The following PCBP3 variants were observed in gnomAD, a reference collection of about 807,000 sequenced individuals.
PCBP3 encodes poly(rC)-binding protein 3.
A neutral mutation model predicts 52.7 loss-of-function variants in PCBP3; 25 were observed. That is an observed-to-expected ratio of 0.47 (90% CI 0.35 to 0.66). The LOEUF (loss-of-function observed/expected upper bound fraction) is 0.66. PCBP3 is among the 30% of genes least tolerant of loss of function. PCBP3 has a pLI of 0.01. For synonymous variants in PCBP3, 162 were observed against 183.0 expected, an observed-to-expected ratio of 0.89 and a Z score of 0.93; for missense variants, 391 against 490.3, an observed-to-expected ratio of 0.80 and a Z score of 1.91.
intron 5 of PCBP3, among the ~76,000 whole-genome samples, chr21:45,884,322 AATTTT>A (rs2095468856): frequency 1.3e-5 from 2 of 151,824 alleles, no homozygotes; most frequent in East Asian, 1.9e-4. Flanking sequence ...ATTTTTTTGG[AATTTT>A]ATTTTATCAG....
At chr21:45,721,823 T>A (rs1325648759) in intron 2 of PCBP3, among the ~76,000 whole-genome samples, 1 of 152,228 alleles carries the variant, frequency 6.6e-6, no homozygotes, top group East Asian at 1.9e-4. Context: ...GACGATCTCA[T>A]CTGCATGTAT....
chr21:45,909,115 A>G (rs561069450), intron 9 of PCBP3, among the ~76,000 whole-genome samples: 1 of 150,122 alleles, frequency 6.7e-6, no homozygotes, highest in East Asian at 2.0e-4. Context: ...ACCCGCCCCA[A>G]CCCCACTGCG....
chr21:45,812,718 G>T (rs1257019883), intron 4 of PCBP3, among the ~76,000 whole-genome samples: 4 of 152,212 alleles, frequency 2.6e-5, no homozygotes, highest in Admixed American at 2.6e-4. Context: ...GTGCAGTTCT[G>T]CTAGGTATGA....
chr21:45,659,079 G>T, intron 1 of PCBP3, among the ~76,000 whole-genome samples: 2 of 139,510 alleles, frequency 1.4e-5, no homozygotes, highest in Non-Finnish European at 3.1e-5. Context: ...AGTTTCATTG[G>T]TCTTTTTTTA....
intron 2 of PCBP3, among the ~76,000 whole-genome samples, chr21:45,731,991 G>T (rs1278165093): frequency 6.6e-6 from 1 of 151,808 alleles, no homozygotes; most frequent in Non-Finnish European, 1.5e-5. Context: ...TCTTTTTGTA[G>T]ATCCAGATTT....
At chr21:45,815,498 A>AGTG (rs2147201660) in intron 4 of PCBP3, among the ~76,000 whole-genome samples, 1 of 75,614 alleles carries the variant, frequency 1.3e-5, no homozygotes, top group African/African-American at 5.5e-5. Flanking sequence ...GTGAGTGATG[A>AGTG]GTGAGTGGTG....
At chr21:45,771,279 C>T (rs1490011998) in intron 4 of PCBP3, among the ~76,000 whole-genome samples, 1 of 152,214 alleles carries the variant, frequency 6.6e-6, no homozygotes, top group Non-Finnish European at 1.5e-5. Flanking sequence ...TAATATTCCA[C>T]ACGGGGTCCC....
chr21:45,715,444 TGTAA>T (rs1438802291), intron 2 of PCBP3, among the ~76,000 whole-genome samples: 1 of 152,218 alleles, frequency 6.6e-6, no homozygotes, highest in African/African-American at 2.4e-5. Flanking sequence ...TACAGAGTTG[TGTAA>T]GTATTATCAC....
At position 45,660,231 on chromosome 21, in the gene PCBP3, CTGTA is replaced by C. The variant is rs1470775171; in HGVS notation, c.-278-8642_-278-8639del. On this transcript the variant is annotated intron_variant, in intron 1 of 17. Coordinates refer to ENST00000681687, the MANE Select transcript of PCBP3 (RefSeq NM_001384156.1). Reference sequence around the variant, plus strand: ...TTTATAGTTATAAAATATTCTTTGTCTGTAATAACAATTTTTGTATTAAAGACCG... The same window carrying C: ...TTTATAGTTATAAAATATTCTTTGTCATAACAATTTTTGTATTAAAGACCG... Among the ~76,000 whole-genome samples the C allele has an allele frequency of 3.3e-5, 5 of 151,942 alleles. No homozygotes were observed. In the East Asian group the frequency reaches 7.7e-4, roughly 23 times the overall value.
chr21:45,939,836 C>T (rs922738277), intron 16 of PCBP3, among the ~76,000 whole-genome samples, 194 bp from the exon 17 acceptor site: 3 of 152,170 alleles, frequency 2.0e-5, no homozygotes, highest in Admixed American at 6.5e-5. Flanking sequence ...AGCCTGACCT[C>T]GGGCAGGTGG....
intron 4 of PCBP3, among the ~76,000 whole-genome samples, chr21:45,775,240 G>A (rs1348316264): frequency 1.3e-5 from 2 of 151,740 alleles, no homozygotes; most frequent in African/African-American, 4.8e-5. Context: ...AGTCTTGGCA[G>A]GTTGTATACT....
chr21:45,891,119 G>C (rs1300005812), intron 5 of PCBP3, among the ~76,000 whole-genome samples: 1 of 152,182 alleles, frequency 6.6e-6, no homozygotes, highest in East Asian at 1.9e-4. Flanking sequence ...AGGGAATGTA[G>C]ATAATAGAAC....
intron 5 of PCBP3, among the ~76,000 whole-genome samples, chr21:45,889,892 C>T (rs1414917451): frequency 2.6e-5 from 4 of 152,246 alleles, no homozygotes; most frequent in African/African-American, 9.6e-5. Context: ...CTTATGAAAA[C>T]CAAAGGGAGC....
In PCBP3 at chr21:45,734,283, G is replaced by A. The variant is rs149252453; in HGVS notation, c.-199-1109G>A. On this transcript the variant is annotated intron_variant, in intron 2 of 17. Coordinates refer to ENST00000681687, the MANE Select transcript of PCBP3 (RefSeq NM_001384156.1). ...CAGATCTGTGTGAGCCATAGCTATT[G>A]TCTGTACTTTTTCTTTTCATTGGTT... Among the ~76,000 whole-genome samples, 321 of 152,274 alleles carry A rather than the reference G, an allele frequency of 2.1e-3. 2 individuals carry two copies. The highest frequency in any genetic ancestry group is 0.02 in the South Asian group (97 of 4,822).
intron 4 of PCBP3, among the ~76,000 whole-genome samples, chr21:45,849,086 G>A (rs1398686489): frequency 3.3e-5 from 5 of 152,022 alleles, no homozygotes; most frequent in African/African-American, 1.2e-4. Context: ...ATTTGGAGAT[G>A]GATTAAATCT....
At chr21:45,780,411 A>C (rs2090553413) in intron 4 of PCBP3, among the ~76,000 whole-genome samples, 1 of 152,254 alleles carries the variant, frequency 6.6e-6, no homozygotes, top group African/African-American at 2.4e-5. Context: ...ATAGATGTTT[A>C]CAGTATACTT....
chr21:45,842,771 C>T (rs1603449196), intron 4 of PCBP3, among the ~76,000 whole-genome samples: 4 of 152,258 alleles, frequency 2.6e-5, no homozygotes, highest in African/African-American at 4.8e-5. Flanking sequence ...GGGACACCAC[C>T]GGTGGGGAGA....
chr21:45,663,578 G>C (rs1404362865), intron 1 of PCBP3, among the ~76,000 whole-genome samples: 1 of 151,920 alleles, frequency 6.6e-6, no homozygotes, highest in Non-Finnish European at 1.5e-5. Flanking sequence ...GAGAGATAAG[G>C]GTCTAGTTTT....
intron 11 of PCBP3, 135 bp downstream of exon 11, chr21:45,911,165 T>G (rs2149269497): frequency 1.9e-6 from 2 of 1,029,096 alleles, no homozygotes; most frequent in Non-Finnish European, 3.0e-6. Flanking sequence ...TGACCCCAAG[T>G]CAGCCTGAGC....
Sources: gnomAD v4.1 joint callset for allele counts (sites outside exome capture counted in the v4.1 genomes callset) on GRCh38, gnomAD v4.1.1 for gene constraint, MANE v1.5 for transcripts, NCBI Gene and HGNC (gene_info 2026-07-23, HGNC 2026-07-21) for gene names.